Variants in RBFOX1 observed in about 807,000 individuals in gnomAD.
RBFOX1 encodes RNA binding protein fox-1 homolog 1.
Under a neutral mutation model 57.7 loss-of-function variants are expected in RBFOX1, and 8 were observed. The observed-to-expected ratio is 0.14, with a 90% CI of 0.08 to 0.25. RBFOX1 has a LOEUF of 0.25. RBFOX1 is among the 10% of genes least tolerant of loss of function. The pLI, the probability that RBFOX1 is intolerant of heterozygous loss-of-function variation, is 1.00. For missense variants in RBFOX1, 611 were observed against 548.5 expected, an observed-to-expected ratio of 1.11 and a Z score of -1.14; for synonymous variants, 326 against 222.4, an observed-to-expected ratio of 1.47 and a Z score of -4.15.
chr16:5,981,505 G>T (rs1244927668), intron 4 of RBFOX1, among the ~76,000 whole-genome samples: 1 of 152,138 alleles, frequency 6.6e-6, no homozygotes, highest in Non-Finnish European at 1.5e-5. Flanking sequence ...GTCTCATTCT[G>T]TCACCCAGGC....
chr16:7,696,204 AGTTGT>A (rs1433432233), intron 14 of RBFOX1, among the ~76,000 whole-genome samples: 1 of 152,126 alleles, frequency 6.6e-6, no homozygotes, highest in Non-Finnish European at 1.5e-5. Flanking sequence ...CAATGCTATT[AGTTGT>A]GTTGTTTTGT....
chr16:5,718,849 C>T (rs1300012739), intron 3 of RBFOX1, among the ~76,000 whole-genome samples: 1 of 152,000 alleles, frequency 6.6e-6, no homozygotes, highest in East Asian at 1.9e-4. Context: ...GCTGAGGTCG[C>T]AGTGAGTGGA....
chr16:7,597,364 T>C lies in RBFOX1; in HGVS notation c.562-7T>C, dbSNP rs1045522856. 1 of 1,606,234 alleles carries C rather than the reference T, an allele frequency of 6.2e-7. No individual in the cohort carries two copies. Among genetic ancestry groups the C allele is most frequent in the South Asian group, 1.1e-5 (1 of 90,264 alleles). On this transcript the variant is annotated splice_polypyrimidine_tract_variant and splice_region_variant and intron_variant, in intron 8 of 15. Coordinates refer to ENST00000550418, the MANE Select transcript of RBFOX1 (RefSeq NM_018723.4). ...TATGTGCTTACTTGAGTTTTCTATG[T>C]ACATAGGTAAATAATGCCACAGCAC... is the stretch of plus-strand genomic sequence containing the variant.
chr16:7,026,951 C>T (rs918409777), intron 3 of RBFOX1, among the ~76,000 whole-genome samples: 6 of 152,156 alleles, frequency 3.9e-5, no homozygotes, highest in African/African-American at 4.8e-5. Context: ...CTGCAAAGTG[C>T]TTGGGTGCTT....
At position 6,478,429 on chromosome 16, in the gene RBFOX1, ATTT is replaced by A. The variant is rs58352204; in HGVS notation, c.-64+161388_-64+161390del. 6.1e-3 allele frequency among the ~76,000 whole-genome samples: 151 copies of A among 24,574 alleles called. 1 individual carries two copies. Among genetic ancestry groups the A allele is most frequent in the African/African-American group, 0.013 (103 of 7,802 alleles). 16.1% of individuals were successfully genotyped at this position (24,574 alleles called of 152,430 possible). On this transcript the variant is annotated intron_variant, in intron 2 of 15. Transcript: ENST00000550418. ...TATATATATATATATATATATATAT[ATTT>A]TTTTTTTTTTTTTTTGTATTTTTAG...
intron 1 of RBFOX1, among the ~76,000 whole-genome samples, chr16:6,065,803 T>A (rs77377920): frequency 0.026 from 3,949 of 152,234 alleles, 72 homozygotes; most frequent in Middle Eastern, 0.065. Flanking sequence ...ATTTTATAGA[T>A]GAGAAAACAG....
intron 4 of RBFOX1, among the ~76,000 whole-genome samples, chr16:7,495,166 G>A (rs984124447): frequency 6.6e-5 from 10 of 152,152 alleles, no homozygotes; most frequent in Non-Finnish European, 1.3e-4. Context: ...TTTTATGGCT[G>A]CATAGTATTC....
intron 5 of RBFOX1, among the ~76,000 whole-genome samples, chr16:7,573,607 G>C (rs1390202726): frequency 1.3e-5 from 2 of 152,160 alleles, no homozygotes; most frequent in African/African-American, 2.4e-5. Context: ...GCCAAGGCAG[G>C]CCGATCACTT....
intron 1 of RBFOX1, among the ~76,000 whole-genome samples, chr16:5,363,571 T>G (rs2065615705): frequency 6.6e-6 from 1 of 152,198 alleles, no homozygotes; most frequent in Non-Finnish European, 1.5e-5. Context: ...ATTGGGGAAG[T>G]CCTCATCCCC....
intron 1 of RBFOX1, among the ~76,000 whole-genome samples, chr16:5,392,268 C>G (rs1279192609): frequency 1.3e-5 from 2 of 152,012 alleles, no homozygotes; most frequent in African/African-American, 2.4e-5. Flanking sequence ...ACCTGTTCCT[C>G]TAAAACCTAT....
At chr16:5,553,581 C>T (rs942882529) in intron 2 of RBFOX1, among the ~76,000 whole-genome samples, 3 of 151,578 alleles carry the variant, frequency 2.0e-5, no homozygotes, top group African/African-American at 4.9e-5. Context: ...TCCCAAAGTG[C>T]TGGGATTATG....
intron 2 of RBFOX1, among the ~76,000 whole-genome samples, chr16:6,587,473 G>A (rs2097646197): frequency 6.6e-6 from 1 of 152,018 alleles, no homozygotes; most frequent in Non-Finnish European, 1.5e-5. Flanking sequence ...GCAGAGACAG[G>A]GTTTCACCTT....
At chr16:5,748,458 A>G (rs2053068982) in intron 3 of RBFOX1, among the ~76,000 whole-genome samples, 1 of 152,148 alleles carries the variant, frequency 6.6e-6, no homozygotes, top group Non-Finnish European at 1.5e-5. Context: ...GGATCTGTCT[A>G]ATGTTGACAG....
intron 3 of RBFOX1, among the ~76,000 whole-genome samples, chr16:6,758,044 C>G (rs1018746755): frequency 2.0e-5 from 3 of 152,084 alleles, no homozygotes; most frequent in African/African-American, 7.2e-5. Flanking sequence ...GAAGTCAGTC[C>G]AAACTACTAT....
intron 3 of RBFOX1, among the ~76,000 whole-genome samples, chr16:5,707,671 T>G (rs2051303690): frequency 6.6e-6 from 1 of 152,232 alleles, no homozygotes; most frequent in African/African-American, 2.4e-5. Flanking sequence ...GTTGCATCCT[T>G]GTTTGGAAAC....
At chr16:7,367,817 G>A (rs2097484986) in intron 4 of RBFOX1, among the ~76,000 whole-genome samples, 1 of 151,694 alleles carries the variant, frequency 6.6e-6, no homozygotes, top group African/African-American at 2.4e-5. Context: ...ATTTTTGTGG[G>A]GATATTCATT....
intron 3 of RBFOX1, among the ~76,000 whole-genome samples, chr16:5,766,762 C>G (rs2053795636): frequency 1.3e-5 from 2 of 152,158 alleles, no homozygotes; most frequent in Admixed American, 6.5e-5. Context: ...GACAAACATC[C>G]AAACTGTATC....
chr16:7,613,878 G>T, intron 10 of RBFOX1, among the ~76,000 whole-genome samples: 1 of 152,272 alleles, frequency 6.6e-6, no homozygotes, highest in South Asian at 2.1e-4. Flanking sequence ...GATCACTGTG[G>T]TCCCTGACAC....
At chr16:7,492,067 C>T (rs561478691) in intron 4 of RBFOX1, among the ~76,000 whole-genome samples, 10 of 152,080 alleles carry the variant, frequency 6.6e-5, no homozygotes, top group Admixed American at 6.6e-5. Flanking sequence ...TGTTGTGGAA[C>T]GAGCTCAATT....
Sources: gnomAD v4.1 joint callset for allele counts (sites outside exome capture counted in the v4.1 genomes callset) on GRCh38, gnomAD v4.1.1 for gene constraint, MANE v1.5 for transcripts, NCBI Gene and HGNC (gene_info 2026-07-23, HGNC 2026-07-21) for gene names.